Variants in FHIT observed in about 807,000 individuals in gnomAD.
FHIT encodes the protein bis(5'-adenosyl)-triphosphatase.
In FHIT, 19 loss-of-function variants were observed where a neutral mutation model predicts 17.9. That is an observed-to-expected ratio of 1.06 (90% confidence interval 0.74 to 1.56). FHIT has a LOEUF of 1.56. FHIT is among the 40% of genes most tolerant of loss of function. The pLI, the probability that FHIT is intolerant of heterozygous loss-of-function variation, is 0.00. For missense variants in FHIT, 248 were observed against 189.2 expected, an observed-to-expected ratio of 1.31 and a Z score of -1.82; for synonymous variants, 81 against 69.7, an observed-to-expected ratio of 1.16 and a Z score of -0.81.
chr3:60,569,755 A>ATATATATATATATATTTTTTTTTT, intron 4 of FHIT, among the ~76,000 whole-genome samples: 1 of 77,344 alleles, frequency 1.3e-5, no homozygotes, highest in East Asian at 5.3e-4. Context: ...ATATATATAT[A>ATATATATATATATATTTTTTTTTT]TTTTTTTTTT....
intron 4 of FHIT, among the ~76,000 whole-genome samples, chr3:60,785,916 C>G: frequency 6.7e-6 from 1 of 150,230 alleles, no homozygotes; most frequent in Non-Finnish European, 1.5e-5. Flanking sequence ...CACACACACA[C>G]ACACACACAC....
chr3:61,183,666 C>T (rs9864918), intron 2 of FHIT, among the ~76,000 whole-genome samples: 34,584 of 152,078 alleles, frequency 0.23, 5,008 homozygotes, highest in East Asian at 0.72. Context: ...AGAAAAGTGA[C>T]TGTAGTATAT....
chr3:60,710,099 A>G (rs994573001), intron 4 of FHIT, among the ~76,000 whole-genome samples: 4 of 151,204 alleles, frequency 2.6e-5, no homozygotes, highest in Non-Finnish European at 5.9e-5. Flanking sequence ...AAAAAAACTC[A>G]ACAATCAAAA....
At chr3:60,796,301 A>T (rs1211130349) in intron 4 of FHIT, among the ~76,000 whole-genome samples, 1 of 152,192 alleles carries the variant, frequency 6.6e-6, no homozygotes, top group African/African-American at 2.4e-5. Context: ...TTAAATTAGA[A>T]AACCTAATTT....
At chr3:60,336,452 T>G (rs577705018) in intron 5 of FHIT, among the ~76,000 whole-genome samples, 16 of 152,328 alleles carry the variant, frequency 1.1e-4, no homozygotes, top group African/African-American at 3.8e-4. Context: ...TCTAGAACAC[T>G]TGAACATAGC....
chr3:61,178,857 C>T (rs1041356551), intron 2 of FHIT, among the ~76,000 whole-genome samples: 74 of 152,098 alleles, frequency 4.9e-4, no homozygotes, highest in African/African-American at 1.8e-3. Flanking sequence ...TTCAATGACA[C>T]CAATTTTTTC....
intron 3 of FHIT, among the ~76,000 whole-genome samples, chr3:61,014,246 TC>T (rs2031952101): frequency 6.6e-6 from 1 of 152,166 alleles, no homozygotes; most frequent in Non-Finnish European, 1.5e-5. Context: ...CCATGATTCT[TC>T]GGCTATGACT....
At chr3:60,454,510 G>C (rs991872493) in intron 5 of FHIT, among the ~76,000 whole-genome samples, 1 of 151,232 alleles carries the variant, frequency 6.6e-6, no homozygotes, top group South Asian at 2.1e-4. Context: ...TCAGCCTCTC[G>C]AGTAGCTGGG....
At chr3:59,884,901 T>C (rs907950018) in intron 8 of FHIT, among the ~76,000 whole-genome samples, 1 of 152,226 alleles carries the variant, frequency 6.6e-6, no homozygotes, top group Non-Finnish European at 1.5e-5. Context: ...CTGTACAATA[T>C]TTGATTGTAT....
intron 8 of FHIT, among the ~76,000 whole-genome samples, chr3:59,846,838 C>T (rs916089013): frequency 6.6e-6 from 1 of 152,114 alleles, no homozygotes; most frequent in African/African-American, 2.4e-5. Flanking sequence ...TTTTGCAGTA[C>T]AGTTTTGTTG....
intron 5 of FHIT, among the ~76,000 whole-genome samples, chr3:60,372,373 G>C (rs1314563905): frequency 6.6e-6 from 1 of 152,126 alleles, no homozygotes; most frequent in Non-Finnish European, 1.5e-5. Context: ...ATCATTGGAA[G>C]GTTAATCTGA....
intron 5 of FHIT, among the ~76,000 whole-genome samples, chr3:60,515,730 A>T (rs114106602): frequency 4.7e-4 from 72 of 152,278 alleles, no homozygotes; most frequent in African/African-American, 1.6e-3. Flanking sequence ...GACGAGAGAG[A>T]GTTTAAGCAT....
intron 3 of FHIT, among the ~76,000 whole-genome samples, chr3:60,838,902 T>A (rs1421101310): frequency 6.6e-6 from 1 of 152,042 alleles, no homozygotes; most frequent in Non-Finnish European, 1.5e-5. Context: ...CTCAGAGATG[T>A]GTGAACCAGG....
At chr3:60,568,104 T>G (rs1576895001) in intron 4 of FHIT, among the ~76,000 whole-genome samples, 1 of 152,196 alleles carries the variant, frequency 6.6e-6, no homozygotes, top group African/African-American at 2.4e-5. Flanking sequence ...ATCCCATTAC[T>G]GAGTATATAC....
chr3:60,127,369 T>A (rs990885350), intron 5 of FHIT, among the ~76,000 whole-genome samples: 4 of 152,202 alleles, frequency 2.6e-5, no homozygotes, highest in African/African-American at 7.2e-5. Context: ...ATAATCTTCA[T>A]GGCAGAAAAG....
chr3:60,114,058 T>C (rs1399261326), intron 5 of FHIT, among the ~76,000 whole-genome samples: 4 of 94,298 alleles, frequency 4.2e-5, no homozygotes, highest in African/African-American at 1.7e-4. Context: ...TATATATATA[T>C]ATATATATAT....
intron 4 of FHIT, among the ~76,000 whole-genome samples, chr3:60,673,305 A>T (rs1176992715): frequency 6.6e-6 from 1 of 152,096 alleles, no homozygotes; most frequent in Non-Finnish European, 1.5e-5. Context: ...GGTTTTGTTT[A>T]TCTAAAACTT....
chr3:60,040,141 T>A (rs1209764848), intron 5 of FHIT, among the ~76,000 whole-genome samples: 1 of 137,664 alleles, frequency 7.3e-6, no homozygotes, highest in Non-Finnish European at 1.7e-5. Context: ...CCTTCTTTCT[T>A]TTTATTTATT....
chr3:60,379,591 G>C lies in FHIT; in HGVS notation c.103+157269C>G, dbSNP rs141176442. 3.6e-3 allele frequency among the ~76,000 whole-genome samples: 545 copies of C among 152,132 alleles called. 5 individuals carry two copies. The highest frequency in any genetic ancestry group is 3.2e-3 in the Non-Finnish European group (218 of 67,998). Reference sequence around the variant, plus strand: ...ACAAGTTTGGTATGCCATTTATTTCGGTATTCAGAGCAGGTCATTACCAAA... The same window carrying C: ...ACAAGTTTGGTATGCCATTTATTTCCGTATTCAGAGCAGGTCATTACCAAA... On this transcript the variant is annotated intron_variant, in intron 5 of 9. Coordinates refer to ENST00000492590, the MANE Select transcript of FHIT (RefSeq NM_002012.4).
Sources: allele counts gnomAD v4.1 joint callset (sites outside exome capture counted in the v4.1 genomes callset), GRCh38; gene constraint gnomAD v4.1.1; transcripts MANE v1.5; gene names NCBI Gene and HGNC (gene_info 2026-07-23, HGNC 2026-07-21).